The following ZNF805 variants were observed in gnomAD, a reference collection of about 807,000 sequenced individuals.
The protein encoded by ZNF805 is CTC-444N24.8.
ZNF805 carries 7 observed loss-of-function variants against 13.6 expected under a neutral mutation model. The observed-to-expected ratio is 0.51, with a 90% confidence interval of 0.29 to 0.97. The LOEUF (loss-of-function observed/expected upper bound fraction) is 0.97, where lower values mean the gene tolerates loss of function less well. ZNF805 is among the 50% of genes least tolerant of loss of function. The pLI, the probability that ZNF805 is intolerant of heterozygous loss-of-function variation, is 0.08. For missense variants in ZNF805, 604 were observed against 771.0 expected (o/e 0.78, Z 2.57); for synonymous variants, 293 against 279.8 (o/e 1.05, Z -0.47).
intron 3 of ZNF805, among the ~76,000 whole-genome samples, 165 bp from the exon 4 acceptor site, chr19:57,252,908 A>G (rs1030976904): frequency 1.3e-5 from 2 of 152,248 alleles, no homozygotes; most frequent in African/African-American, 4.8e-5. Flanking sequence ...TCAGGAATCC[A>G]AGGAAAATAA....
At chr19:57,248,784 G>C (rs1344887278) in intron 3 of ZNF805, 84 bp downstream of exon 3, 4 of 1,245,184 alleles carry the variant, frequency 3.2e-6, no homozygotes, top group Admixed American at 2.0e-5. Flanking sequence ...CTCTTGGGAA[G>C]CTTCTCACTG....
intron 2 of ZNF805, among the ~76,000 whole-genome samples, chr19:57,246,993 C>G (rs1312352494): frequency 6.6e-6 from 1 of 151,588 alleles, no homozygotes; most frequent in East Asian, 1.9e-4. Flanking sequence ...GAAGCTATCA[C>G]TGAATGTTTT....
chr19:57,243,608 A>G (rs1248587932), intron 1 of ZNF805, among the ~76,000 whole-genome samples: 1 of 152,192 alleles, frequency 6.6e-6, no homozygotes, highest in African/African-American at 2.4e-5. Context: ...GGTTGTCAAC[A>G]TTATTGCTAT....
chr19:57,250,785 A>G (rs188853986), intron 3 of ZNF805, among the ~76,000 whole-genome samples: 201 of 152,226 alleles, frequency 1.3e-3, no homozygotes, highest in African/African-American at 4.6e-3. Flanking sequence ...GTCCTTACAC[A>G]TTCCTCTCAA....
chr19:57,242,511 A>C (rs994617953), intron 1 of ZNF805, among the ~76,000 whole-genome samples: 4 of 152,244 alleles, frequency 2.6e-5, no homozygotes, highest in Non-Finnish European at 5.9e-5. Flanking sequence ...GGCCAGTCAT[A>C]AGCCTGGGTT....
chr19:57,260,925 C>T lies in ZNF805; in HGVS notation c.*6222C>T, dbSNP rs1009156172. Among the ~76,000 whole-genome samples, 2 of 152,190 alleles carry T rather than the reference C, an allele frequency of 1.3e-5. No homozygotes were observed. The highest frequency in any genetic ancestry group is 2.4e-5 in the African/African-American group (1 of 41,434). ...GACATTGTTTCGAATGTTTTACATGCGTCAGCTCTTTTAACCTTTATGACA... is the reference window on the plus strand; with the variant it reads ...GACATTGTTTCGAATGTTTTACATGTGTCAGCTCTTTTAACCTTTATGACA... On this transcript the variant is annotated 3_prime_UTR_variant, in exon 4 of 4. Coordinates refer to ENST00000414468, the MANE Select transcript of ZNF805 (RefSeq NM_001023563.4).
rs370039523 is a variant in ZNF805 at position 57,260,047 on chromosome 19, G to A, written c.*5344G>A. The stretch of plus-strand genomic sequence containing the variant: ...TGATCTGCATATCATTCAGAGTTAC[G>A]TACTCCACGGGAAGGTTGTATGTAA... On this transcript the variant is annotated 3_prime_UTR_variant, in exon 4 of 4. Transcript: ENST00000414468. Among the ~76,000 whole-genome samples the A allele has an allele frequency of 6.6e-6, 1 of 152,100 alleles. No individual in the cohort carries two copies. Among genetic ancestry groups the A allele is most frequent in the Non-Finnish European group, 1.5e-5 (1 of 68,020 alleles).
In ZNF805 at chr19:57,258,057, G is replaced by A. The variant is rs551355153; in HGVS notation, c.*3354G>A. ...GACGGAGTCTTGCTCTGTCGCCCTG[G>A]CTGGAGTGCAGTGGCGCAGTCTGCA... On this transcript the variant is annotated 3_prime_UTR_variant, in exon 4 of 4. Coordinates refer to ENST00000414468, the MANE Select transcript of ZNF805 (RefSeq NM_001023563.4). 1.5e-3 allele frequency among the ~76,000 whole-genome samples: 220 copies of A among 145,444 alleles called. No homozygotes were observed. The highest frequency in any genetic ancestry group is 5.5e-3 in the African/African-American group (211 of 38,510).
Position 57,259,334 on chromosome 19 carries a change from T to G in ZNF805, c.*4631T>G, listed in dbSNP as rs1489661389. Among the ~76,000 whole-genome samples the G allele has an allele frequency of 3.9e-5, 6 of 152,112 alleles. No individual in the cohort carries two copies. The highest frequency in any genetic ancestry group is 1.4e-4 in the African/African-American group (6 of 41,426). The stretch of plus-strand genomic sequence containing the variant: ...CTCTTGTGCTTTCATGTTTACCCCC[T>G]TTTTCTGGTCTATTTTTCCCTTTTT... On this transcript the variant is annotated 3_prime_UTR_variant, in exon 4 of 4. Coordinates refer to ENST00000414468, the MANE Select transcript of ZNF805 (RefSeq NM_001023563.4).
intron 2 of ZNF805, among the ~76,000 whole-genome samples, chr19:57,246,351 C>T (rs754718717): frequency 4.6e-5 from 7 of 152,036 alleles, no homozygotes; most frequent in Admixed American, 1.3e-4. Context: ...TTTTTGTATA[C>T]GTTGTTTTGA....
At chr19:57,243,841 C>T (rs2087594457) in intron 1 of ZNF805, 82 bp from the exon 2 acceptor site, 1 of 1,599,712 alleles carries the variant, frequency 6.3e-7, no homozygotes. Context: ...GTGACTTGGG[C>T]CTTGATCTTG....
rs1427137299 is a variant in ZNF805, at chr19:57,257,047, A to G, written c.*2344A>G. Among the ~76,000 whole-genome samples the G allele has an allele frequency of 6.6e-6, 1 of 152,132 alleles. No homozygotes were observed. The highest frequency in any genetic ancestry group is 1.9e-4 in the East Asian group (1 of 5,196). ...CCTTTTGAGACATCTTCTCTAACCC[A>G]GGAATTATTTAGAAGTATATTGTTT... is the stretch of plus-strand genomic sequence containing the variant. On this transcript the variant is annotated 3_prime_UTR_variant, in exon 4 of 4. Transcript: ENST00000414468.
Position 57,258,437 on chromosome 19 carries a change from G to GTTTTTT in ZNF805, c.*3742_*3747dup, listed in dbSNP as rs3028396. Among the ~76,000 whole-genome samples the GTTTTTT allele has an allele frequency of 2.3e-5, 3 of 130,014 alleles. No homozygotes were observed. The highest frequency in any genetic ancestry group is 3.2e-5 in the Non-Finnish European group (2 of 62,118). The allele number at this position is 130,014 out of a possible 152,430, so 85.3% of individuals were successfully genotyped here. On this transcript the variant is annotated 3_prime_UTR_variant, in exon 4 of 4. Coordinates refer to ENST00000414468, the MANE Select transcript of ZNF805 (RefSeq NM_001023563.4). The stretch of plus-strand genomic sequence containing the variant: ...GTTGCTTCTTTCTTGGTTTGTTTGG[G>GTTTTTT]TTTTTTTTTTTTTGTCTTTAACATT...
At position 57,261,523 on chromosome 19, in the gene ZNF805, C is replaced by T. The variant is rs951852673; in HGVS notation, c.*6820C>T. 3.6e-5 allele frequency: 6 copies of T among 166,960 alleles called. No individual in the cohort carries two copies. Among genetic ancestry groups the T allele is most frequent in the African/African-American group, 1.4e-4 (6 of 41,394 alleles). 10.3% of individuals were successfully genotyped at this position (166,960 alleles called of 1,614,324 possible). A position where few individuals can be genotyped will look rare whatever the true frequency, so the allele number is the denominator to read the frequency against. On this transcript the variant is annotated 3_prime_UTR_variant, in exon 4 of 4. Coordinates refer to ENST00000414468, the MANE Select transcript of ZNF805 (RefSeq NM_001023563.4). ...ATTCCTTTTTGTTCCGTAGTAGACC[C>T]TCAATATATATGTGTGTGTTGGTAA... is the stretch of plus-strand genomic sequence containing the variant.
rs1261371340 is a variant in ZNF805 at position 57,260,662 on chromosome 19, C to T, written c.*5959C>T. Among the ~76,000 whole-genome samples the T allele has an allele frequency of 1.3e-5, 2 of 152,170 alleles. No homozygotes were observed. Among genetic ancestry groups the T allele is most frequent in the Non-Finnish European group, 2.9e-5 (2 of 68,034 alleles). On this transcript the variant is annotated 3_prime_UTR_variant, in exon 4 of 4. Transcript: ENST00000414468. ...TGCTGTTTTCTAACTTGTCCTTCACCCCATGACTGAGTTAATTTGCGCTGA... is the reference window on the plus strand; with the variant it reads ...TGCTGTTTTCTAACTTGTCCTTCACTCCATGACTGAGTTAATTTGCGCTGA...
In ZNF805 at chr19:57,254,419, A is replaced by G. The variant is rs1467955525; in HGVS notation, c.1600A>G (p.Thr534Ala). The stretch of plus-strand genomic sequence containing the variant: ...CCTCATTCGACACTCTATCATCCAC[A>G]CTGGAGAGAAGCCGTATGAGTGCAG... Reference protein sequence around the residue: ...TNLIRHSIIHTGEKPYECSEC... With the variant: ...TNLIRHSIIHAGEKPYECSEC... Residue 534 changes from threonine to alanine, a missense_variant, in exon 4 of 4, where the codon ACT becomes GCT. Around this residue, in one of 3 missense-constraint regions of ZNF805, gnomAD observed 228 missense variants for 352.8 expected, o/e 0.65. Coordinates refer to ENST00000414468, the MANE Select transcript of ZNF805 (RefSeq NM_001023563.4). 1.2e-6 allele frequency: 2 copies of G among 1,614,050 alleles called. No homozygotes were observed. The highest frequency in any genetic ancestry group is 1.3e-5 in the African/African-American group (1 of 74,918).
chr19:57,248,503 C>T, intron 2 of ZNF805, 102 bp from the exon 3 acceptor site: 1 of 1,095,068 alleles, frequency 9.1e-7, no homozygotes, highest in Non-Finnish European at 1.4e-6. Flanking sequence ...GGTGTAGCTT[C>T]ATTCCAAGGT....
Position 57,258,131 on chromosome 19 carries a change from T to C in ZNF805, c.*3428T>C, listed in dbSNP as rs2087700533. Among the ~76,000 whole-genome samples the C allele has an allele frequency of 6.6e-6, 1 of 151,118 alleles. No homozygotes were observed. The highest frequency in any genetic ancestry group is 2.1e-4 in the South Asian group (1 of 4,794). ...CATTCTCTTGCCTCAGCCTCCCAAGTAGCTGGGATTACAGGTGCCTGCCAC... is the reference window on the plus strand; with the variant it reads ...CATTCTCTTGCCTCAGCCTCCCAAGCAGCTGGGATTACAGGTGCCTGCCAC... On this transcript the variant is annotated 3_prime_UTR_variant, in exon 4 of 4. Coordinates refer to ENST00000414468, the MANE Select transcript of ZNF805 (RefSeq NM_001023563.4).
At position 57,243,941 on chromosome 19, in the gene ZNF805, G is replaced by A; in HGVS notation, c.49G>A (p.Asp17Asn). Residue 17 changes from aspartate (D) to asparagine (N), a missense_variant, in exon 2 of 4, where the codon GAT (aspartate) becomes AAT (asparagine). By Grantham distance (23) the Asp-to-Asn change is conservative. Around this residue, in one of 3 missense-constraint regions of ZNF805, gnomAD observed 327 missense variants for 378.2 expected, o/e 0.86. Transcript: ENST00000414468. ...DPAQVSVTFD[D>N]VAVTFTQEEW... ...ATTTCAGGTGTCTGTGACCTTTGAT[G>A]ATGTGGCTGTGACTTTCACCCAGGA... 1 of 1,614,110 alleles carries A rather than the reference G, an allele frequency of 6.2e-7. No homozygotes were observed.
Sources: gnomAD v4.1 joint callset for allele counts (sites outside exome capture counted in the v4.1 genomes callset) on GRCh38, gnomAD v4.1.1 for gene constraint, gnomAD v4.1.1 regional missense constraint, MANE v1.5 for transcripts, NCBI Gene and HGNC (gene_info 2026-07-23, HGNC 2026-07-21) for gene names.